AMMECR1: variants seen among roughly 807,000 people sequenced by gnomAD.
The protein encoded by AMMECR1 is nuclear protein AMMECR1.
A neutral mutation model predicts 22.5 loss-of-function variants in AMMECR1; 3 were observed. The observed-to-expected ratio is 0.13, with a 90% CI of 0.06 to 0.35. AMMECR1 has a LOEUF of 0.35. AMMECR1 is among the 10% of genes least tolerant of loss of function. AMMECR1 has a pLI of 1.00. For missense variants in AMMECR1, 235 were observed against 278.7 expected (o/e 0.84, Z 1.12); for synonymous variants, 130 against 116.7 (o/e 1.11, Z -0.74).
chrX:110,224,526 T>TA (rs72368540), intron 2 of AMMECR1, among the ~76,000 whole-genome samples: 2 of 109,234 alleles, frequency 1.8e-5, no homozygotes, highest in Admixed American at 9.8e-5. Flanking sequence ...TTTACAGAAA[T>TA]AAAAAAAAGA....
chrX:110,247,847 T>C (rs2067667036), intron 2 of AMMECR1, among the ~76,000 whole-genome samples: 1 of 112,279 alleles, frequency 8.9e-6, no homozygotes, highest in South Asian at 3.7e-4. Context: ...AATTTAAAAA[T>C]ACCTATCCTG....
intron 1 of AMMECR1, among the ~76,000 whole-genome samples, chrX:110,287,492 C>G (rs2067886475): frequency 8.9e-6 from 1 of 111,915 alleles, no homozygotes; most frequent in Admixed American, 9.4e-5. Context: ...GTTCACACTT[C>G]CTTATGTAAC....
intron 2 of AMMECR1, among the ~76,000 whole-genome samples, chrX:110,323,305 A>G (rs755534364): frequency 1.1e-4 from 12 of 112,005 alleles, no homozygotes; most frequent in Non-Finnish European, 1.9e-4. Context: ...GATGATTTTT[A>G]GAATATTCAT....
chrX:110,407,759 C>T (rs2068613058), intron 2 of AMMECR1, among the ~76,000 whole-genome samples: 1 of 112,310 alleles, frequency 8.9e-6, no homozygotes, highest in Admixed American at 9.4e-5. Flanking sequence ...TATTTAAAGG[C>T]TGGTAGAAGA....
chrX:110,379,254 T>G (rs912042666), intron 2 of AMMECR1, among the ~76,000 whole-genome samples: 1 of 112,379 alleles, frequency 8.9e-6, no homozygotes, highest in African/African-American at 3.2e-5. Context: ...GTAAATGGTT[T>G]GGTGAGATTC....
chrX:110,314,659 C>T (rs1356606885), intron 1 of AMMECR1, among the ~76,000 whole-genome samples: 1 of 111,874 alleles, frequency 8.9e-6, no homozygotes, highest in African/African-American at 3.3e-5. Context: ...ATCTGGGCTC[C>T]CTACATAAAT....
intron 2 of AMMECR1, among the ~76,000 whole-genome samples, chrX:110,228,998 C>T (rs939279908): frequency 6.2e-5 from 7 of 112,349 alleles, no homozygotes; most frequent in Non-Finnish European, 1.3e-4. Context: ...TCTGGTTGTG[C>T]GTGTATAACT....
At chrX:110,390,032 T>A (rs764908300) in intron 2 of AMMECR1, among the ~76,000 whole-genome samples, 1 of 112,032 alleles carries the variant, frequency 8.9e-6, no homozygotes, top group African/African-American at 3.2e-5. Context: ...TTAGTTGTTT[T>A]TTTTTCACTT....
At chrX:110,432,624 A>T (rs973138170) in intron 1 of AMMECR1, among the ~76,000 whole-genome samples, 3 of 111,790 alleles carry the variant, frequency 2.7e-5, no homozygotes, top group African/African-American at 9.8e-5. Flanking sequence ...GCTGCTCTGA[A>T]ACCCCTCCTG....
chrX:110,402,042 C>G (rs983711279), intron 2 of AMMECR1, among the ~76,000 whole-genome samples: 2 of 112,245 alleles, frequency 1.8e-5, no homozygotes, highest in African/African-American at 6.5e-5. Context: ...CCCACCAGTA[C>G]GCTCAACCTT....
intron 2 of AMMECR1, among the ~76,000 whole-genome samples, chrX:110,244,157 T>C (rs1411945258): frequency 9.0e-6 from 1 of 111,429 alleles, no homozygotes; most frequent in East Asian, 2.8e-4. Context: ...AATTACTACC[T>C]TGTCTCTGTT....
chrX:110,434,425 G>C (rs1009266233), intron 1 of AMMECR1, among the ~76,000 whole-genome samples: 1 of 111,660 alleles, frequency 9.0e-6, no homozygotes, highest in African/African-American at 3.3e-5. Context: ...CATCTCCAGG[G>C]TCTGGGCAAG....
upstream of AMMECR1, among the ~76,000 whole-genome samples, chrX:110,321,895 TGTG>T (rs1292186202): frequency 8.9e-6 from 1 of 112,594 alleles, no homozygotes; most frequent in Non-Finnish European, 1.9e-5. Flanking sequence ...ACATGGTTGT[TGTG>T]GTGGAGGTGG....
intron 2 of AMMECR1, among the ~76,000 whole-genome samples, chrX:110,378,609 A>G (rs1477652393): frequency 8.9e-6 from 1 of 112,086 alleles, no homozygotes; most frequent in Non-Finnish European, 1.9e-5. Context: ...CTTTTGCCAA[A>G]CTACCATTCT....
At chrX:110,202,686 T>C in intron 3 of AMMECR1, 150 bp from the exon 4 acceptor site, 1 of 418,277 alleles carries the variant, frequency 2.4e-6, no homozygotes, top group Non-Finnish European at 4.1e-6. Context: ...GCTTTGACTT[T>C]GGATTTGAAG....
intron 1 of AMMECR1, among the ~76,000 whole-genome samples, chrX:110,291,981 T>A (rs2067911559): frequency 8.9e-6 from 1 of 112,127 alleles, no homozygotes; most frequent in African/African-American, 3.2e-5. Flanking sequence ...GAATGTCTTG[T>A]AGGCATTAAA....
intron 2 of AMMECR1, among the ~76,000 whole-genome samples, chrX:110,237,457 G>A (rs1336029180): frequency 9.0e-6 from 1 of 110,832 alleles, no homozygotes; most frequent in Non-Finnish European, 1.9e-5. Context: ...GGTGGAAATG[G>A]TGCATGCCTC....
At chrX:110,372,072 C>G (rs1457497806) in intron 2 of AMMECR1, among the ~76,000 whole-genome samples, 1 of 111,462 alleles carries the variant, frequency 9.0e-6, no homozygotes, top group African/African-American at 3.3e-5. Flanking sequence ...AGATATCACT[C>G]CCTTTGAGAA....
At chrX:110,291,645 A>G (rs1220205139) in intron 1 of AMMECR1, among the ~76,000 whole-genome samples, 1 of 112,144 alleles carries the variant, frequency 8.9e-6, no homozygotes, top group African/African-American at 3.2e-5. Flanking sequence ...GAAGTTTCAC[A>G]TTGGAACACT....
Sources: allele counts gnomAD v4.1 joint callset (sites outside exome capture counted in the v4.1 genomes callset), GRCh38; gene constraint gnomAD v4.1.1; transcripts MANE v1.5; gene names NCBI Gene and HGNC (gene_info 2026-07-23, HGNC 2026-07-21).